Variants in SPSB4 observed in about 807,000 individuals in gnomAD.
SPSB4 encodes SPRY domain-containing SOCS box protein 4.
In SPSB4, 21 loss-of-function variants were observed where a neutral mutation model predicts 20.9. The ratio of observed to expected loss-of-function variants is 1.01; its 90% CI spans 0.71 to 1.45. The LOEUF (loss-of-function observed/expected upper bound fraction) is 1.45, where lower values mean the gene tolerates loss of function less well. Ranked by LOEUF, SPSB4 falls within the 40% of genes most tolerant of loss-of-function variation. SPSB4 has a pLI of 0.00. For missense variants in SPSB4, 399 were observed against 399.2 expected, an observed-to-expected ratio of 1.00 and a Z score of 0.00; for synonymous variants, 207 against 183.8, an observed-to-expected ratio of 1.13 and a Z score of -1.02.
chr3:141,085,012 G>A (rs1938314022), intron 2 of SPSB4, among the ~76,000 whole-genome samples: 1 of 152,246 alleles, frequency 6.6e-6, no homozygotes, highest in African/African-American at 2.4e-5. Context: ...TGGATGCACT[G>A]CAGTGTCAGA....
chr3:141,070,533 T>C (rs763357201), intron 2 of SPSB4, among the ~76,000 whole-genome samples: 1 of 151,988 alleles, frequency 6.6e-6, no homozygotes, highest in Non-Finnish European at 1.5e-5. Context: ...CAGGAGGTAA[T>C]GGCTAATTTA....
intron 1 of SPSB4, among the ~76,000 whole-genome samples, chr3:141,056,220 A>G (rs902578169): frequency 2.0e-5 from 3 of 152,236 alleles, no homozygotes; most frequent in East Asian, 3.9e-4. Context: ...AATGTCATGT[A>G]TGGTGAACTG....
rs1477016621 is a variant in SPSB4 at position 141,066,481 on chromosome 3, C to A, written c.377C>A (p.Ser126Tyr). 6.7e-7 allele frequency: 1 copy of A among 1,500,078 alleles called. No individual in the cohort carries two copies. 92.9% of individuals were successfully genotyped at this position (1,500,078 alleles called of 1,614,324 possible). Residue 126 changes from serine (S) to tyrosine (Y), a missense_variant, in exon 2 of 3, where the codon TCC becomes TAC. By Grantham distance (144) the Ser-to-Tyr change is moderately radical. Transcript: ENST00000310546. ...GVATARAPLHSVGYTALVGSD... is the reference protein window; with the variant it reads ...GVATARAPLHYVGYTALVGSD... ...GCCACGGCCCGTGCTCCCCTGCACTCCGTGGGCTACACGGCGCTGGTAGGC... is the reference window on the plus strand; with the variant it reads ...GCCACGGCCCGTGCTCCCCTGCACTACGTGGGCTACACGGCGCTGGTAGGC...
intron 1 of SPSB4, among the ~76,000 whole-genome samples, chr3:141,060,961 G>T (rs1937749003): frequency 6.6e-6 from 1 of 152,130 alleles, no homozygotes; most frequent in African/African-American, 2.4e-5. Flanking sequence ...GTAGGAGTTT[G>T]ACATATATTT....
chr3:141,119,591 A>G (rs1938931798), intron 2 of SPSB4, among the ~76,000 whole-genome samples: 2 of 152,288 alleles, frequency 1.3e-5, no homozygotes, highest in South Asian at 2.1e-4. Context: ...GAATGCTTCC[A>G]GTTTTTGCCC....
At chr3:141,071,379 C>T (rs895313445) in intron 2 of SPSB4, among the ~76,000 whole-genome samples, 14 of 152,278 alleles carry the variant, frequency 9.2e-5, no homozygotes, top group Admixed American at 7.8e-4. Context: ...CAGACAGAGA[C>T]AAGAGGCCTT....
chr3:141,120,142 T>A (rs557486813), intron 2 of SPSB4, among the ~76,000 whole-genome samples: 9 of 152,338 alleles, frequency 5.9e-5, no homozygotes, highest in Admixed American at 2.0e-4. Context: ...TTCAAAGAAC[T>A]TATTTATTTC....
chr3:141,112,122 C>G (rs1008074252), intron 2 of SPSB4, among the ~76,000 whole-genome samples: 1 of 152,256 alleles, frequency 6.6e-6, no homozygotes, highest in Non-Finnish European at 1.5e-5. Context: ...GGGATCCCCA[C>G]TGATCACTCA....
chr3:141,132,895 G>A (rs965982426), intron 2 of SPSB4, among the ~76,000 whole-genome samples: 13 of 152,126 alleles, frequency 8.5e-5, no homozygotes, highest in African/African-American at 2.2e-4. Flanking sequence ...CATAATGGTT[G>A]TACTGGTTTA....
chr3:141,129,917 T>C (rs1390146659), intron 2 of SPSB4, among the ~76,000 whole-genome samples: 1 of 152,268 alleles, frequency 6.6e-6, no homozygotes, highest in Non-Finnish European at 1.5e-5. Context: ...CCACCTGGGC[T>C]GTGGGGACCA....
chr3:141,110,773 A>G (rs1309381040), intron 2 of SPSB4, among the ~76,000 whole-genome samples: 1 of 152,226 alleles, frequency 6.6e-6, no homozygotes, highest in Non-Finnish European at 1.5e-5. Flanking sequence ...AGCAAGTCTT[A>G]TGGCCACACC....
chr3:141,122,453 A>T (rs1236459237), intron 2 of SPSB4, among the ~76,000 whole-genome samples: 8 of 152,148 alleles, frequency 5.3e-5, no homozygotes, highest in Non-Finnish European at 7.3e-5. Context: ...CTCTCTTCAG[A>T]GCTGTCAGAC....
chr3:141,113,586 C>G (rs1184757826), intron 2 of SPSB4, among the ~76,000 whole-genome samples: 1 of 152,174 alleles, frequency 6.6e-6, no homozygotes, highest in African/African-American at 2.4e-5. Flanking sequence ...ATTCCATATT[C>G]ATATTCTGGG....
intron 1 of SPSB4, among the ~76,000 whole-genome samples, chr3:141,056,512 C>G (rs943909777): frequency 3.9e-5 from 6 of 152,190 alleles, no homozygotes; most frequent in African/African-American, 1.4e-4. Flanking sequence ...CCAGCAGGTC[C>G]CTATTATGAC....
At chr3:141,102,184 G>A (rs372693741) in intron 2 of SPSB4, among the ~76,000 whole-genome samples, 1 of 152,370 alleles carries the variant, frequency 6.6e-6, no homozygotes, top group African/African-American at 2.4e-5. Flanking sequence ...GGGCAGCTCA[G>A]TGTGGATAGA....
At chr3:141,063,015 C>T (rs1274427728) in intron 1 of SPSB4, among the ~76,000 whole-genome samples, 2 of 152,200 alleles carry the variant, frequency 1.3e-5, no homozygotes, top group Admixed American at 1.3e-4. Context: ...TCTAAGGCCC[C>T]TCCTTATATT....
intron 2 of SPSB4, among the ~76,000 whole-genome samples, chr3:141,139,981 T>C (rs1304460380): frequency 2.6e-5 from 4 of 152,224 alleles, no homozygotes; most frequent in Non-Finnish European, 4.4e-5. Flanking sequence ...CAATTAGATG[T>C]AGATTTGGTC....
At chr3:141,146,477 T>C (rs1441743435) in intron 2 of SPSB4, among the ~76,000 whole-genome samples, 1 of 152,016 alleles carries the variant, frequency 6.6e-6, no homozygotes, top group Non-Finnish European at 1.5e-5. Context: ...GAAGTCCTTT[T>C]CACATTAAGA....
chr3:141,141,449 G>T (rs1320736634), intron 2 of SPSB4, among the ~76,000 whole-genome samples: 1 of 152,148 alleles, frequency 6.6e-6, no homozygotes, highest in Non-Finnish European at 1.5e-5. Flanking sequence ...GACTGGAGCT[G>T]TTCCTATTCG....
Sources: allele counts gnomAD v4.1 joint callset (sites outside exome capture counted in the v4.1 genomes callset), GRCh38; gene constraint gnomAD v4.1.1; transcripts MANE v1.5; gene names NCBI Gene and HGNC (gene_info 2026-07-23, HGNC 2026-07-21).